Variants in QTMAN observed in about 807,000 individuals in gnomAD.
QTMAN encodes the protein tRNA-queuosine alpha-mannosyltransferase.
At chr2:144,276,487 G>C in the QTMAN span, among the ~76,000 whole-genome samples, 1 of 152,084 alleles carries the variant, frequency 6.6e-6, no homozygotes, top group African/African-American at 2.4e-5. Context: ...ACCATACCAG[G>C]CCTCTATATT....
chr2:144,168,308 T>A, the QTMAN span, among the ~76,000 whole-genome samples: 1 of 152,202 alleles, frequency 6.6e-6, no homozygotes, highest in Non-Finnish European at 1.5e-5. Context: ...GCCAGACTCT[T>A]TACTTTTATA....
At chr2:144,126,047 T>C in the QTMAN span, among the ~76,000 whole-genome samples, 1 of 151,992 alleles carries the variant, frequency 6.6e-6, no homozygotes, top group Non-Finnish European at 1.5e-5. Flanking sequence ...TTATTTTTCA[T>C]CAGGATAGCC....
chr2:144,181,742 T>C, the QTMAN span, among the ~76,000 whole-genome samples: 445 of 152,186 alleles, frequency 2.9e-3, 2 homozygotes, highest in African/African-American at 0.01. Flanking sequence ...GCCCGGGAGA[T>C]GGAGGCCGCA....
At chr2:144,141,808 G>T in the QTMAN span, 1 of 1,147,184 alleles carries the variant, frequency 8.7e-7, no homozygotes, top group South Asian at 1.5e-5. Context: ...AAACTGGCAT[G>T]AAGAACATCA....
chr2:144,101,996 T>C, the QTMAN span, among the ~76,000 whole-genome samples: 3 of 152,204 alleles, frequency 2.0e-5, no homozygotes, highest in East Asian at 5.8e-4. Flanking sequence ...ACCTCACACT[T>C]ACTGTTTCCC....
chr2:144,282,084 A>G, the QTMAN span, among the ~76,000 whole-genome samples: 5 of 152,176 alleles, frequency 3.3e-5, no homozygotes, highest in Non-Finnish European at 7.3e-5. Flanking sequence ...CTAGCTTCAC[A>G]GCTACCAAGC....
At chr2:144,076,681 C>A in the QTMAN span, among the ~76,000 whole-genome samples, 237 of 152,186 alleles carry the variant, frequency 1.6e-3, no homozygotes, top group Non-Finnish European at 2.5e-3. Context: ...TCTTTTTTGA[C>A]ACCAATTCTT....
chr2:143,952,107 A>G, the QTMAN span: 85 of 1,225,186 alleles, frequency 6.9e-5, 1 homozygote, highest in East Asian at 1.9e-3. Flanking sequence ...TTAATGAAAC[A>G]AAAACCTCAA....
At chr2:144,116,097 GCAAAA>G in the QTMAN span, among the ~76,000 whole-genome samples, 1 of 152,048 alleles carries the variant, frequency 6.6e-6, no homozygotes, top group African/African-American at 2.4e-5. Context: ...ATATATCCAT[GCAAAA>G]CACAGCTCTT....
At chr2:143,979,537 C>T in the QTMAN span, among the ~76,000 whole-genome samples, 2 of 152,190 alleles carry the variant, frequency 1.3e-5, no homozygotes, top group African/African-American at 2.4e-5. Flanking sequence ...CAAGTGTAAC[C>T]GCTGCCAACT....
At chr2:144,164,144 G>A in the QTMAN span, among the ~76,000 whole-genome samples, 2 of 151,990 alleles carry the variant, frequency 1.3e-5, no homozygotes, top group East Asian at 1.9e-4. Context: ...GGCTGGTCTC[G>A]AACTCATGAC....
chr2:144,202,204 C>T, the QTMAN span, among the ~76,000 whole-genome samples: 1 of 152,120 alleles, frequency 6.6e-6, no homozygotes, highest in South Asian at 2.1e-4. Context: ...AACAAGAAAG[C>T]ATGAAAGCTG....
the QTMAN span, among the ~76,000 whole-genome samples, chr2:144,041,930 G>C: frequency 2.6e-5 from 4 of 152,132 alleles, no homozygotes; most frequent in Non-Finnish European, 4.4e-5. Context: ...ACTATTTTGT[G>C]TGTATATGTG....
chr2:144,317,437 C>G, the QTMAN span: 1 of 81,812 alleles, frequency 1.2e-5, no homozygotes, highest in Non-Finnish European at 2.8e-5. Context: ...AAGGAAGGGA[C>G]AATAAAATGA....
At chr2:143,956,225 A>G in the QTMAN span, among the ~76,000 whole-genome samples, 1 of 152,200 alleles carries the variant, frequency 6.6e-6, no homozygotes, top group Non-Finnish European at 1.5e-5. Flanking sequence ...TATCTTGAAT[A>G]GTTTGGCTGA....
the QTMAN span, chr2:143,940,097 T>C: frequency 1.3e-5 from 2 of 152,362 alleles, no homozygotes; most frequent in East Asian, 3.9e-4. Context: ...TATATTTTTC[T>C]GATTGATCAT....
At chr2:144,016,486 C>T in the QTMAN span, among the ~76,000 whole-genome samples, 8 of 152,238 alleles carry the variant, frequency 5.3e-5, no homozygotes, top group South Asian at 4.1e-4. Flanking sequence ...CTGTTTCCCA[C>T]GTACATTTGC....
At chr2:144,039,278 C>T in the QTMAN span, among the ~76,000 whole-genome samples, 2 of 152,094 alleles carry the variant, frequency 1.3e-5, no homozygotes, top group East Asian at 1.9e-4. Flanking sequence ...GTGTGTGATG[C>T]GTCTCCCCCT....
chr2:144,317,703 G>A, the QTMAN span: 1 of 152,074 alleles, frequency 6.6e-6, no homozygotes, highest in African/African-American at 2.4e-5. Context: ...GGAGAATAAA[G>A]CTAAATACTC....
Sources: gnomAD v4.1 joint callset for allele counts (sites outside exome capture counted in the v4.1 genomes callset) on GRCh38, gnomAD v4.1.1 for gene constraint, MANE v1.5 for transcripts, NCBI Gene and HGNC (gene_info 2026-07-23, HGNC 2026-07-21) for gene names.